The following GRID1 variants were observed in gnomAD, a reference collection of about 807,000 sequenced individuals.
The protein encoded by GRID1 is glutamate ionotropic receptor delta type subunit 1, also known as glutamate receptor ionotropic, delta-1.
A neutral mutation model predicts 98.0 loss-of-function variants in GRID1; 28 were observed. The observed-to-expected ratio is 0.29, with a 90% confidence interval of 0.21 to 0.39. The LOEUF (loss-of-function observed/expected upper bound fraction) is 0.39, where lower values mean the gene tolerates loss of function less well. Ranked by LOEUF, GRID1 falls within the 10% of genes least tolerant of loss-of-function variation. The pLI, the probability that GRID1 is intolerant of heterozygous loss-of-function variation, is 1.00. For synonymous variants in GRID1, 553 were observed against 538.5 expected (o/e 1.03, Z -0.37); for missense variants, 1,111 against 1,340.5 (o/e 0.83, Z 2.67).
At chr10:85,907,098 A>G (rs913881520) in intron 5 of GRID1, among the ~76,000 whole-genome samples, 6 of 152,186 alleles carry the variant, frequency 3.9e-5, no homozygotes, top group East Asian at 1.9e-4. Flanking sequence ...CTTCATACCT[A>G]TAAGTTTTTT....
intron 3 of GRID1, among the ~76,000 whole-genome samples, chr10:86,155,348 G>C (rs779775188): frequency 4.5e-4 from 69 of 152,218 alleles, no homozygotes; most frequent in Non-Finnish European, 7.2e-4. Context: ...CACCAAATGG[G>C]CTCTTTCCTA....
chr10:85,788,465 G>T (rs1842450124), intron 8 of GRID1, among the ~76,000 whole-genome samples: 1 of 152,144 alleles, frequency 6.6e-6, no homozygotes, highest in Non-Finnish European at 1.5e-5. Flanking sequence ...TCTGCCCACG[G>T]TCTTATCTGT....
intron 15 of GRID1, among the ~76,000 whole-genome samples, chr10:85,610,178 T>G (rs1842717148): frequency 6.6e-6 from 1 of 152,192 alleles, no homozygotes; most frequent in Non-Finnish European, 1.5e-5. Flanking sequence ...TGCTGCCCCA[T>G]AAAACACAGG....
intron 13 of GRID1, among the ~76,000 whole-genome samples, chr10:85,622,282 C>A (rs1842866149): frequency 1.3e-5 from 2 of 151,392 alleles, no homozygotes; most frequent in South Asian, 4.2e-4. Flanking sequence ...AGCCTCAAAT[C>A]CCTGCTAACC....
rs1399522375 is a variant in GRID1, at chr10:85,986,526, G to A, written c.727-70287C>T. ...AACAATCAGGTAAATACAGCAGCAG[G>A]AAGGAGCCTGCATCATCGCCAGACC... On this transcript the variant is annotated intron_variant, in intron 4 of 15. Transcript: ENST00000327946. Among the ~76,000 whole-genome samples the A allele has an allele frequency of 2.0e-5, 3 of 152,230 alleles. No individual in the cohort carries two copies. The East Asian group carries it at 5.8e-4, about 29-fold the overall frequency.
At chr10:85,983,829 C>T (rs1842575670) in intron 4 of GRID1, among the ~76,000 whole-genome samples, 2 of 152,096 alleles carry the variant, frequency 1.3e-5, no homozygotes, top group African/African-American at 4.8e-5. Context: ...GGAGGGAGGA[C>T]CAAGACTCAC....
At chr10:85,625,759 C>T (rs147588345) in intron 13 of GRID1, among the ~76,000 whole-genome samples, 3 of 152,328 alleles carry the variant, frequency 2.0e-5, no homozygotes, top group African/African-American at 4.8e-5. Context: ...ATATGATTGG[C>T]CTCTATTTGC....
At chr10:86,106,006 T>C (rs1030245290) in intron 4 of GRID1, among the ~76,000 whole-genome samples, 1 of 152,062 alleles carries the variant, frequency 6.6e-6, no homozygotes, top group Non-Finnish European at 1.5e-5. Flanking sequence ...GTGTTCCCAA[T>C]TGCAAAGGAG....
intron 12 of GRID1, among the ~76,000 whole-genome samples, chr10:85,710,314 C>A (rs1250899530): frequency 1.3e-5 from 2 of 152,036 alleles, no homozygotes; most frequent in South Asian, 2.1e-4. Context: ...CTGAAATAAA[C>A]CCTCTTGGGT....
At chr10:85,742,143 C>T (rs1293819152) in intron 8 of GRID1, among the ~76,000 whole-genome samples, 2 of 152,230 alleles carry the variant, frequency 1.3e-5, no homozygotes, top group Non-Finnish European at 2.9e-5. Flanking sequence ...CCAGCATCCA[C>T]TAAACATCTG....
intron 8 of GRID1, among the ~76,000 whole-genome samples, chr10:85,822,946 C>A (rs770711921): frequency 6.6e-5 from 10 of 152,158 alleles, no homozygotes; most frequent in Non-Finnish European, 1.0e-4. Flanking sequence ...GGACAAAAAA[C>A]CAAACACCAT....
At chr10:85,917,498 T>C (rs2131825243) in intron 4 of GRID1, among the ~76,000 whole-genome samples, 1 of 152,320 alleles carries the variant, frequency 6.6e-6, no homozygotes, top group Admixed American at 6.5e-5. Context: ...GACAAGTGTT[T>C]TCATTAAAAT....
intron 12 of GRID1, among the ~76,000 whole-genome samples, chr10:85,665,587 A>G (rs2132575856): frequency 6.6e-6 from 1 of 152,260 alleles, no homozygotes; most frequent in African/African-American, 2.4e-5. Flanking sequence ...GGAACATACC[A>G]TCTCTATTAC....
At chr10:85,858,885 A>C (rs1275928390) in intron 6 of GRID1, among the ~76,000 whole-genome samples, 9 of 152,232 alleles carry the variant, frequency 5.9e-5, no homozygotes, top group Non-Finnish European at 1.3e-4. Flanking sequence ...CAGCACTTCT[A>C]TTCACAATCA....
intron 5 of GRID1, among the ~76,000 whole-genome samples, chr10:85,870,402 G>A (rs541381581): frequency 6.6e-6 from 1 of 152,350 alleles, no homozygotes; most frequent in African/African-American, 2.4e-5. Context: ...TTGGGACTCA[G>A]ACTGGCTCCT....
intron 4 of GRID1, among the ~76,000 whole-genome samples, chr10:85,925,271 G>A (rs1034028067): frequency 2.0e-5 from 3 of 152,228 alleles, no homozygotes; most frequent in African/African-American, 7.2e-5. Flanking sequence ...ACGGAGCCCA[G>A]CTTTTCTATC....
intron 5 of GRID1, among the ~76,000 whole-genome samples, chr10:85,874,177 T>C (rs1843305739): frequency 6.6e-6 from 1 of 152,194 alleles, no homozygotes; most frequent in African/African-American, 2.4e-5. Flanking sequence ...AATAGGAACA[T>C]ATTCAAATTT....
At chr10:85,766,035 T>C (rs1188670297) in intron 8 of GRID1, among the ~76,000 whole-genome samples, 4 of 152,102 alleles carry the variant, frequency 2.6e-5, no homozygotes, top group Non-Finnish European at 5.9e-5. Flanking sequence ...ACAGGTGAGG[T>C]TGTGTCGTGG....
intron 4 of GRID1, among the ~76,000 whole-genome samples, chr10:85,932,734 C>A (rs953547473): frequency 1.3e-5 from 2 of 152,176 alleles, no homozygotes; most frequent in Non-Finnish European, 2.9e-5. Flanking sequence ...TTCTCCTTTT[C>A]CTTAAGCTAA....
Sources: gnomAD v4.1 joint callset for allele counts (sites outside exome capture counted in the v4.1 genomes callset) on GRCh38, gnomAD v4.1.1 for gene constraint, MANE v1.5 for transcripts, NCBI Gene and HGNC (gene_info 2026-07-23, HGNC 2026-07-21) for gene names.